Variants in ABCA8 observed in about 807,000 individuals in gnomAD.
ABCA8 encodes the protein ABC-type organic anion transporter ABCA8.
ABCA8 carries 177 observed loss-of-function variants against 192.3 expected under a neutral mutation model. That is an observed-to-expected ratio of 0.92 (90% CI 0.81 to 1.04). ABCA8 has a LOEUF of 1.04. Ranked by LOEUF, ABCA8 falls within the 50% of genes least tolerant of loss-of-function variation. The pLI is 0.00. For missense variants in ABCA8, 1,915 were observed against 1,904.8 expected, an observed-to-expected ratio of 1.01 and a Z score of -0.10; for synonymous variants, 642 against 690.2, an observed-to-expected ratio of 0.93 and a Z score of 1.09.
chr17:68,929,744 C>T (rs1194227825), intron 7 of ABCA8, 42 bp from the exon 8 acceptor site: 12 of 1,539,374 alleles, frequency 7.8e-6, no homozygotes, highest in Non-Finnish European at 1.1e-5. Flanking sequence ...TTTATGTTCA[C>T]TTGAAAAGGA....
intron 37 of ABCA8, among the ~76,000 whole-genome samples, chr17:68,871,552 GA>G (rs1483379363): frequency 6.6e-6 from 1 of 152,112 alleles, no homozygotes; most frequent in African/African-American, 2.4e-5. Context: ...CTTCTTTGGA[GA>G]AATGTCTATT....
chr17:68,891,235 T>C (rs1265538610), intron 24 of ABCA8, among the ~76,000 whole-genome samples: 2 of 152,194 alleles, frequency 1.3e-5, no homozygotes, highest in Non-Finnish European at 2.9e-5. Flanking sequence ...TTTTCCAGCT[T>C]TGCTTTTTTT....
chr17:68,926,235 G>C (rs927421640), intron 10 of ABCA8, among the ~76,000 whole-genome samples: 28 of 152,060 alleles, frequency 1.8e-4, no homozygotes, highest in African/African-American at 6.3e-4. Context: ...TTACCTAAGA[G>C]GATACTAATA....
chr17:68,953,235 T>A (rs1183512257), intron 1 of ABCA8, among the ~76,000 whole-genome samples: 2 of 152,164 alleles, frequency 1.3e-5, no homozygotes, highest in African/African-American at 4.8e-5. Flanking sequence ...TCCAGACTTT[T>A]GAGCACAAAG....
At chr17:68,941,299 C>T (rs1482665212) in intron 3 of ABCA8, among the ~76,000 whole-genome samples, 2 of 152,022 alleles carry the variant, frequency 1.3e-5, no homozygotes, top group African/African-American at 2.4e-5. Context: ...TGCGAACTCC[C>T]AATAAGAAAT....
At position 68,917,374 on chromosome 17, in the gene ABCA8, C is replaced by T; in HGVS notation, c.2125G>A (p.Gly709Arg). 1 of 1,610,090 alleles carries T rather than the reference C, an allele frequency of 6.2e-7. No homozygotes were observed. Among genetic ancestry groups the T allele is most frequent in the East Asian group, 2.2e-5 (1 of 44,768 alleles). The change falls in exon 17 of 40, where the codon GGA (glycine) becomes AGA (arginine). Residue 709 changes from glycine (G) to arginine (R), a missense_variant. By Grantham distance (125) the Gly-to-Arg change is moderately radical. Transcript: ENST00000586539. ...SLFLKKKWGI[G>R]YHLSLQLNEI... ...AAGTGACCTTACCTTAAGTGATATC[C>T]AATCCCCCATTTCTTCTTTAGAAAC...
At chr17:68,883,967 T>TA (rs1267302173) in intron 28 of ABCA8, 85 bp from the exon 29 acceptor site, 10 of 839,002 alleles carry the variant, frequency 1.2e-5, no homozygotes, top group African/African-American at 1.8e-5. Context: ...ACCGAACTTC[T>TA]AAAAAAATAC....
At chr17:68,932,875 G>T (rs1232216828) in intron 6 of ABCA8, among the ~76,000 whole-genome samples, 2 of 152,154 alleles carry the variant, frequency 1.3e-5, no homozygotes, top group African/African-American at 4.8e-5. Flanking sequence ...AGGCTGAGAG[G>T]TTTTTACTCA....
intron 35 of ABCA8, 95 bp downstream of exon 35, chr17:68,876,365 A>G (rs1019792216): frequency 2.4e-5 from 35 of 1,483,796 alleles, no homozygotes; most frequent in Non-Finnish European, 3.3e-5. Flanking sequence ...GTTCTCCACA[A>G]AAGAGTTTAA....
chr17:68,918,245 C>A, intron 15 of ABCA8, 60 bp from the exon 16 acceptor site: 3 of 1,596,280 alleles, frequency 1.9e-6, no homozygotes, highest in Admixed American at 3.5e-5. Flanking sequence ...TTCCAGAAAA[C>A]AACGCAAAAA....
At chr17:68,954,187 T>TTTTTTAATGATA in intron 1 of ABCA8, among the ~76,000 whole-genome samples, 1 of 53,492 alleles carries the variant, frequency 1.9e-5, no homozygotes, top group South Asian at 7.7e-4. Flanking sequence ...CCCTCCCCCC[T>TTTTTTAATGATA]CCCCCCACCC....
chr17:68,889,780 T>C (rs2066582643), intron 24 of ABCA8, among the ~76,000 whole-genome samples: 1 of 152,218 alleles, frequency 6.6e-6, no homozygotes, highest in African/African-American at 2.4e-5. Flanking sequence ...GAATTTTATA[T>C]AAATTAAATC....
In ABCA8 at chr17:68,874,537, C is replaced by T. The variant is rs374732256; in HGVS notation, c.4631+723G>A. Reference sequence around the variant, plus strand: ...TCATTCTCACCTATTTCGCTTATTCCCTGTGGCTTCATGATGTATTTCTAT... The same window carrying T: ...TCATTCTCACCTATTTCGCTTATTCTCTGTGGCTTCATGATGTATTTCTAT... On this transcript the variant is annotated intron_variant, in intron 37 of 39. Coordinates refer to ENST00000586539, the MANE Select transcript of ABCA8 (RefSeq NM_001288985.2). 4.6e-5 allele frequency among the ~76,000 whole-genome samples: 7 copies of T among 152,246 alleles called. No homozygotes were observed. The East Asian group carries it at 7.7e-4, about 17-fold the overall frequency.
chr17:68,908,243 T>C (rs1442529298), intron 17 of ABCA8, among the ~76,000 whole-genome samples: 1 of 152,188 alleles, frequency 6.6e-6, no homozygotes. Flanking sequence ...GCAAAATGGA[T>C]AACGTTGCAG....
intron 25 of ABCA8, 70 bp downstream of exon 25, chr17:68,887,266 T>C: frequency 7.0e-7 from 1 of 1,425,080 alleles, no homozygotes; most frequent in Non-Finnish European, 9.5e-7. Context: ...ATAGAAATGT[T>C]CCAAAATTTC....
intron 17 of ABCA8, among the ~76,000 whole-genome samples, chr17:68,916,797 A>G (rs968633742): frequency 6.6e-6 from 1 of 152,202 alleles, no homozygotes; most frequent in Non-Finnish European, 1.5e-5. Flanking sequence ...TTCCCTTAAT[A>G]CATACCTCCA....
intron 5 of ABCA8, among the ~76,000 whole-genome samples, chr17:68,936,520 G>C (rs550250679): frequency 6.6e-6 from 1 of 151,974 alleles, no homozygotes; most frequent in East Asian, 1.9e-4. Flanking sequence ...TCTCTATTCT[G>C]TTCTATTTAT....
intron 37 of ABCA8, 70 bp downstream of exon 37, chr17:68,875,190 T>C: frequency 1.3e-6 from 2 of 1,584,976 alleles, no homozygotes; most frequent in Non-Finnish European, 1.7e-6. Context: ...TTTGAATGAC[T>C]ATCACTCAAC....
intron 17 of ABCA8, among the ~76,000 whole-genome samples, chr17:68,909,665 C>T (rs1338276539): frequency 6.6e-6 from 1 of 151,728 alleles, no homozygotes; most frequent in South Asian, 2.1e-4. Flanking sequence ...AATTAATTTC[C>T]AAGAAGAGAT....
Sources: allele counts gnomAD v4.1 joint callset (sites outside exome capture counted in the v4.1 genomes callset), GRCh38; gene constraint gnomAD v4.1.1; transcripts MANE v1.5; gene names NCBI Gene and HGNC (gene_info 2026-07-23, HGNC 2026-07-21).